The following PAX8 variants were observed in gnomAD, a reference collection of about 807,000 sequenced individuals.
PAX8 encodes paired box protein Pax-8.
In PAX8, 15 loss-of-function variants were observed where a neutral mutation model predicts 52.4. The ratio of observed to expected loss-of-function variants is 0.29; its 90% CI spans 0.19 to 0.44. The LOEUF (loss-of-function observed/expected upper bound fraction) is 0.44, where lower values mean the gene tolerates loss of function less well. PAX8 is among the 20% of genes least tolerant of loss of function. The pLI is 1.00. For synonymous variants in PAX8, 284 were observed against 249.7 expected, an observed-to-expected ratio of 1.14 and a Z score of -1.29; for missense variants, 554 against 602.5, an observed-to-expected ratio of 0.92 and a Z score of 0.84.
intron 2 of PAX8, chr2:113,255,252 GAGGGAGGA>G: frequency 5.2e-5 from 1 of 19,158 alleles, no homozygotes; most frequent in Non-Finnish European, 8.8e-5. Flanking sequence ...GGGGAGGAGG[GAGGGAGGA>G]GGGAGGGGAG....
chr2:113,259,931 T>C (rs746374950), intron 2 of PAX8, among the ~76,000 whole-genome samples: 17 of 152,240 alleles, frequency 1.1e-4, no homozygotes, highest in Non-Finnish European at 2.1e-4. Flanking sequence ...AAGGCAGGTA[T>C]GGCAGCACCT....
chr2:113,275,646 A>G (rs1693748288), intron 2 of PAX8: 1 of 152,166 alleles, frequency 6.6e-6, no homozygotes, highest in Non-Finnish European at 1.5e-5. Context: ...TTGCTTTTAC[A>G]AAACTCTCTT....
intron 8 of PAX8, chr2:113,236,368 CGCG>C (rs1186458664): frequency 5.7e-6 from 2 of 349,382 alleles, no homozygotes; most frequent in East Asian, 9.5e-5. Context: ...GGACCGGAGG[CGCG>C]ACCCCTGGGC....
At chr2:113,277,401 T>A (rs1015301603) in intron 2 of PAX8, among the ~76,000 whole-genome samples, 2 of 152,086 alleles carry the variant, frequency 1.3e-5, no homozygotes, top group African/African-American at 4.8e-5. Flanking sequence ...ACCCTCCTTA[T>A]TATAACAAAT....
At chr2:113,261,611 T>G (rs545539519) in intron 2 of PAX8, among the ~76,000 whole-genome samples, 1 of 152,268 alleles carries the variant, frequency 6.6e-6, no homozygotes, top group South Asian at 2.1e-4. Flanking sequence ...AGAGGATCCT[T>G]GACCAGGAAG....
At chr2:113,236,024 C>T (rs1271021821) in intron 8 of PAX8, 2 of 195,460 alleles carry the variant, frequency 1.0e-5, no homozygotes, top group South Asian at 3.2e-4. Context: ...CGCGACCCCT[C>T]GGCCCAGCTT....
At position 113,218,014 on chromosome 2, in the gene PAX8, G is replaced by A. The variant is rs951277514; in HGVS notation, c.*519C>T. ...AGGACAGCCAGAGCCTCCGTGTGGG[G>A]CAGGCGGGAGGCTGAGGGAGGTGAC... is the stretch of plus-strand genomic sequence containing the variant. On this transcript the variant is annotated 3_prime_UTR_variant, in exon 12 of 12. Coordinates refer to ENST00000429538, the MANE Select transcript of PAX8 (RefSeq NM_003466.4). 3 of 233,732 alleles carry A rather than the reference G, an allele frequency of 1.3e-5. No individual in the cohort carries two copies. Among genetic ancestry groups the A allele is most frequent in the Non-Finnish European group, 1.7e-5 (2 of 118,478 alleles). The allele number at this position is 233,732 out of a possible 1,614,324, so 14.5% of individuals were successfully genotyped here.
chr2:113,229,074 C>T (rs907959704), intron 9 of PAX8, among the ~76,000 whole-genome samples: 2 of 152,160 alleles, frequency 1.3e-5, no homozygotes, highest in African/African-American at 2.4e-5. Flanking sequence ...CAAGAAGGGA[C>T]ATAGGCTGGG....
chr2:113,217,042 C>T lies in PAX8; in HGVS notation c.*1491G>A. On this transcript the variant is annotated 3_prime_UTR_variant, in exon 12 of 12. Transcript: ENST00000429538. ...GCTCCAGTCACAGCTATTCCCGGAT[C>T]CCTCACTAACCCACCCTGCTGATTC... 4.3e-6 allele frequency: 1 copy of T among 231,452 alleles called. No individual in the cohort carries two copies. The highest frequency in any genetic ancestry group is 1.8e-4 in the South Asian group (1 of 5,512). The allele number at this position is 231,452 out of a possible 1,614,324, so 14.3% of individuals were successfully genotyped here. A position where few individuals can be genotyped will look rare whatever the true frequency, so the allele number is the denominator to read the frequency against.
intron 2 of PAX8, chr2:113,274,192 A>G (rs1693653539): frequency 6.6e-6 from 1 of 152,234 alleles, no homozygotes; most frequent in Non-Finnish European, 1.5e-5. Flanking sequence ...GAATCTCTTT[A>G]TAAATCCCAG....
rs1175043359 is a variant in PAX8 at position 113,246,913 on chromosome 2, C to T, written c.32G>A (p.Gly11Glu). 1.9e-5 allele frequency: 30 copies of T among 1,613,550 alleles called. No homozygotes were observed. Among genetic ancestry groups the T allele is most frequent in the Non-Finnish European group, 2.5e-5 (30 of 1,179,672 alleles). The change falls in exon 3 of 12, where the codon GGA becomes GAA. Residue 11 changes from glycine to glutamate, a missense_variant. Transcript: ENST00000429538. Reference protein sequence around the residue: MPHNSIRSGHGGLNQLGGAFV... With the variant: MPHNSIRSGHEGLNQLGGAFV... The stretch of plus-strand genomic sequence containing the variant: ...GGCCCCTCCCAGCTGGTTCAGCCCT[C>T]CATGGCCTAAGGAGACAATATTCCC...
At chr2:113,253,995 T>C (rs1269978372) in intron 2 of PAX8, among the ~76,000 whole-genome samples, 1 of 152,222 alleles carries the variant, frequency 6.6e-6, no homozygotes, top group Non-Finnish European at 1.5e-5. Flanking sequence ...AGGGGAAGAC[T>C]TCTTTCGTTT....
intron 9 of PAX8, among the ~76,000 whole-genome samples, chr2:113,233,546 C>T (rs1201700784): frequency 1.3e-5 from 2 of 152,024 alleles, no homozygotes; most frequent in Non-Finnish European, 2.9e-5. Context: ...GGTGTAGTGG[C>T]GCCCATTTGT....
In PAX8 at chr2:113,216,943, A is replaced by T. The variant is rs2104407243; in HGVS notation, c.*1590T>A. ...CAGGGCTAATTTCAGCTTAACTTAT[A>T]TGAAGCCTTCCATACTGTGCCTGGC... On this transcript the variant is annotated 3_prime_UTR_variant, in exon 12 of 12. Coordinates refer to ENST00000429538, the MANE Select transcript of PAX8 (RefSeq NM_003466.4). 4.3e-6 allele frequency: 1 copy of T among 230,508 alleles called. No individual in the cohort carries two copies. Among genetic ancestry groups the T allele is most frequent in the African/African-American group, 2.2e-5 (1 of 45,312 alleles). The allele number at this position is 230,508 out of a possible 1,614,324, so 14.3% of individuals were successfully genotyped here.
intron 2 of PAX8, chr2:113,269,196 A>G (rs947660685): frequency 1.7e-4 from 26 of 152,354 alleles, no homozygotes; most frequent in African/African-American, 6.0e-4. Flanking sequence ...TGGCACTTCT[A>G]CCTACAGCCC....
intron 2 of PAX8, chr2:113,275,077 G>A (rs1022153595): frequency 6.6e-6 from 1 of 152,022 alleles, no homozygotes; most frequent in South Asian, 2.1e-4. Context: ...AACAAAATTA[G>A]GCAGAGTCCT....
intron 2 of PAX8, chr2:113,274,252 C>G (rs1693657480): frequency 1.3e-5 from 2 of 152,152 alleles, no homozygotes; most frequent in Admixed American, 1.3e-4. Flanking sequence ...CAGATAAAGA[C>G]TTTGACAGCC....
chr2:113,222,657 C>G (rs1573402742), intron 10 of PAX8, among the ~76,000 whole-genome samples: 2 of 152,192 alleles, frequency 1.3e-5, no homozygotes, highest in Non-Finnish European at 2.9e-5. Context: ...TCCCTTCACC[C>G]TGCAAACATA....
At chr2:113,242,407 G>A (rs1478623357) in intron 5 of PAX8, among the ~76,000 whole-genome samples, 1 of 152,140 alleles carries the variant, frequency 6.6e-6, no homozygotes, top group Non-Finnish European at 1.5e-5. Flanking sequence ...GAGCCCTGGA[G>A]GGGCTCAGGT....
Sources: gnomAD v4.1 joint callset for allele counts (sites outside exome capture counted in the v4.1 genomes callset) on GRCh38, gnomAD v4.1.1 for gene constraint, MANE v1.5 for transcripts, NCBI Gene and HGNC (gene_info 2026-07-23, HGNC 2026-07-21) for gene names.